The following MARCHF1 variants were observed in gnomAD, a reference collection of about 807,000 sequenced individuals.
MARCHF1 encodes membrane associated ring-CH-type finger 1.
MARCHF1 carries 40 observed loss-of-function variants against 54.2 expected under a neutral mutation model. That is an observed-to-expected ratio of 0.74 (90% CI 0.57 to 0.96). The LOEUF (loss-of-function observed/expected upper bound fraction) is 0.96, where lower values mean the gene tolerates loss of function less well. MARCHF1 is among the 40% of genes least tolerant of loss of function. The pLI is 0.00. For missense variants in MARCHF1, 586 were observed against 656.5 expected (o/e 0.89, Z 1.17); for synonymous variants, 236 against 236.3 (o/e 1.00, Z 0.01).
At chr4:163,670,348 A>G (rs953587728) in intron 5 of MARCHF1, among the ~76,000 whole-genome samples, 3 of 150,492 alleles carry the variant, frequency 2.0e-5, no homozygotes, top group African/African-American at 7.3e-5. Context: ...CAAATTATAG[A>G]CCTAGAGTAG....
At chr4:164,101,117 C>G (rs1755543890) in intron 2 of MARCHF1, among the ~76,000 whole-genome samples, 1 of 152,206 alleles carries the variant, frequency 6.6e-6, no homozygotes, top group African/African-American at 2.4e-5. Flanking sequence ...GTCCTACGCC[C>G]ACGGAGTCTT....
intron 1 of MARCHF1, among the ~76,000 whole-genome samples, chr4:164,275,687 A>G (rs1349729423): frequency 1.3e-5 from 2 of 152,234 alleles, no homozygotes; most frequent in East Asian, 3.9e-4. Context: ...AGAGATGTAG[A>G]TTTCATTTCT....
intron 3 of MARCHF1, among the ~76,000 whole-genome samples, chr4:163,982,951 A>G (rs1472702023): frequency 6.6e-6 from 1 of 152,248 alleles, no homozygotes; most frequent in Non-Finnish European, 1.5e-5. Context: ...TTACCAAGAC[A>G]GAGTATTGTG....
intron 7 of MARCHF1, among the ~76,000 whole-genome samples, chr4:163,600,889 T>C (rs1306223539): frequency 1.3e-5 from 2 of 152,102 alleles, no homozygotes; most frequent in African/African-American, 4.8e-5. Flanking sequence ...ACACAGACAC[T>C]TCTGAATTAT....
At chr4:164,030,340 A>G (rs1047163815) in intron 2 of MARCHF1, among the ~76,000 whole-genome samples, 8 of 152,172 alleles carry the variant, frequency 5.3e-5, no homozygotes, top group Non-Finnish European at 1.0e-4. Flanking sequence ...TTTAACATTC[A>G]AAAATGAAGA....
rs1755257109 is a variant in MARCHF1, at chr4:164,089,533, G to C, written c.-248+22055C>G. Among the ~76,000 whole-genome samples the C allele has an allele frequency of 1.3e-5, 2 of 152,072 alleles. 1 individual carries two copies. The highest frequency in any genetic ancestry group is 4.1e-4 in the South Asian group (2 of 4,826). On this transcript the variant is annotated intron_variant, in intron 2 of 9. Transcript: ENST00000514618. ...GATGGTATTTAAAATGGCTGCATAT[G>C]TCCAAACTCATTAAATTATACACAC... is the stretch of plus-strand genomic sequence containing the variant.
chr4:164,382,348 C>A (rs1216315439), intron 1 of MARCHF1, among the ~76,000 whole-genome samples: 1 of 152,260 alleles, frequency 6.6e-6, no homozygotes, highest in South Asian at 2.1e-4. Context: ...AAATTAGCCT[C>A]TTTCAAGAAA....
intron 3 of MARCHF1, among the ~76,000 whole-genome samples, chr4:163,859,183 G>T (rs1749852232): frequency 6.6e-6 from 1 of 151,990 alleles, no homozygotes; most frequent in East Asian, 1.9e-4. Context: ...TTAGTGTACA[G>T]ATTTCTTTTA....
chr4:163,524,622 G>T (rs1482599856), downstream of MARCHF1: 3 of 152,080 alleles, frequency 2.0e-5, no homozygotes, highest in Non-Finnish European at 4.4e-5. Flanking sequence ...ATAATTATAT[G>T]TTCAGACCCT....
intron 4 of MARCHF1, among the ~76,000 whole-genome samples, chr4:163,804,471 C>T (rs1748170394): frequency 6.6e-6 from 1 of 152,124 alleles, no homozygotes; most frequent in African/African-American, 2.4e-5. Context: ...GATTCTGATG[C>T]ACACAAAAGT....
Position 163,697,443 on chromosome 4 carries a change from C to T in MARCHF1, c.162+3370G>A, listed in dbSNP as rs76632507. Among the ~76,000 whole-genome samples, 1,448 of 152,236 alleles carry T rather than the reference C, an allele frequency of 9.5e-3. 12 individuals are homozygous for T. Among genetic ancestry groups the T allele is most frequent in the Non-Finnish European group, 0.015 (1,003 of 68,002 alleles). On this transcript the variant is annotated intron_variant, in intron 5 of 9. Coordinates refer to ENST00000514618, the MANE Select transcript of MARCHF1 (RefSeq NM_001394959.1). ...CTCTTCTGTGCACTGTTAGTTACCC[C>T]GTTTCACTGTAAGCTCACTAAGGAA...
At chr4:164,116,652 A>T (rs934978680) in intron 1 of MARCHF1, among the ~76,000 whole-genome samples, 1 of 152,046 alleles carries the variant, frequency 6.6e-6, no homozygotes, top group African/African-American at 2.4e-5. Context: ...AATAATTACA[A>T]TTACTCAGTC....
chr4:163,915,940 C>T (rs535825891), intron 3 of MARCHF1, among the ~76,000 whole-genome samples: 2 of 152,198 alleles, frequency 1.3e-5, no homozygotes, highest in South Asian at 4.1e-4. Context: ...CATTTAAGAA[C>T]CTGAATATAG....
intron 2 of MARCHF1, among the ~76,000 whole-genome samples, chr4:164,070,999 C>T (rs2111090729): frequency 6.6e-6 from 1 of 152,290 alleles, no homozygotes; most frequent in Non-Finnish European, 1.5e-5. Flanking sequence ...CTTGCCGCTG[C>T]CATGTAAAAA....
rs1182760759 is a variant in MARCHF1, at chr4:164,177,005, TATATAC to T, written c.-322-65349_-322-65344del. 2.3e-3 allele frequency among the ~76,000 whole-genome samples: 205 copies of T among 90,796 alleles called. 4 individuals carry two copies. The highest frequency in any genetic ancestry group is 0.011 in the African/African-American group (194 of 17,388). 59.6% of individuals were successfully genotyped at this position (90,796 alleles called of 152,430 possible). On this transcript the variant is annotated intron_variant, in intron 1 of 9. Coordinates refer to ENST00000514618, the MANE Select transcript of MARCHF1 (RefSeq NM_001394959.1). ...CTATATATATATATATATATATATA[TATATAC>T]AAATGATAGAATTAGGCATGTTTCC...
At chr4:164,080,056 A>T (rs1307084044) in intron 2 of MARCHF1, among the ~76,000 whole-genome samples, 1 of 152,176 alleles carries the variant, frequency 6.6e-6, no homozygotes, top group Non-Finnish European at 1.5e-5. Flanking sequence ...TGCCAATTCT[A>T]CACCTAAGCC....
chr4:164,351,982 G>A lies in MARCHF1; in HGVS notation c.-323+31888C>T, dbSNP rs1258449143. Among the ~76,000 whole-genome samples the A allele has an allele frequency of 7.0e-4, 99 of 140,776 alleles. 1 individual carries two copies. Among genetic ancestry groups the A allele is most frequent in the African/African-American group, 2.4e-3 (93 of 39,076 alleles). The allele number at this position is 140,776 out of a possible 152,430, so 92.4% of individuals were successfully genotyped here. A position where few individuals can be genotyped will look rare whatever the true frequency, so the allele number is the denominator to read the frequency against. ...GAAGAATGCAGAAGCCTCAGGAGCT[G>A]ATGCGATCAACTGGAAGAAAGGGTA... is the stretch of plus-strand genomic sequence containing the variant. On this transcript the variant is annotated intron_variant, in intron 1 of 9. Coordinates refer to ENST00000514618, the MANE Select transcript of MARCHF1 (RefSeq NM_001394959.1).
chr4:163,628,962 A>G (rs2110983904), intron 5 of MARCHF1, among the ~76,000 whole-genome samples: 1 of 152,364 alleles, frequency 6.6e-6, no homozygotes, highest in East Asian at 1.9e-4. Flanking sequence ...TATTGTGAAA[A>G]TGGCCATACT....
chr4:164,086,773 A>C (rs992802465), intron 2 of MARCHF1, among the ~76,000 whole-genome samples: 6 of 152,076 alleles, frequency 3.9e-5, no homozygotes, highest in African/African-American at 1.2e-4. Flanking sequence ...AATCTCTGTA[A>C]ATGATTTTTC....
Sources: gnomAD v4.1 joint callset for allele counts (sites outside exome capture counted in the v4.1 genomes callset) on GRCh38, gnomAD v4.1.1 for gene constraint, MANE v1.5 for transcripts, NCBI Gene and HGNC (gene_info 2026-07-23, HGNC 2026-07-21) for gene names.